GPR143: variants seen among roughly 807,000 people sequenced by gnomAD.
GPR143 encodes the protein G protein-coupled receptor 143.
A neutral mutation model predicts 27.6 loss-of-function variants in GPR143; 8 were observed. The observed-to-expected ratio is 0.29, with a 90% CI of 0.17 to 0.52. The LOEUF (loss-of-function observed/expected upper bound fraction) is 0.52, where lower values mean the gene tolerates loss of function less well. Ranked by LOEUF, GPR143 falls within the 20% of genes least tolerant of loss-of-function variation. The pLI is 0.96. For synonymous variants in GPR143, 156 were observed against 153.2 expected (o/e 1.02, Z -0.13); for missense variants, 303 against 343.1 (o/e 0.88, Z 0.92).
At chrX:9,763,880 C>A (rs1397056450) in intron 1 of GPR143, among the ~76,000 whole-genome samples, 1 of 112,567 alleles carries the variant, frequency 8.9e-6, no homozygotes, top group Non-Finnish European at 1.9e-5. Flanking sequence ...GTAAAGGCAG[C>A]CATGAATAAT....
chrX:9,778,288 C>G, intron 1 of GPR143, among the ~76,000 whole-genome samples: 1 of 111,659 alleles, frequency 9.0e-6, no homozygotes, highest in Non-Finnish European at 1.9e-5. Context: ...CGTGTCCTCT[C>G]CCTGAGAGAC....
intron 4 of GPR143, 58 bp downstream of exon 4, chrX:9,748,516 A>G (rs2083437994): frequency 1.3e-6 from 1 of 794,197 alleles, no homozygotes; most frequent in Non-Finnish European, 1.9e-6. Flanking sequence ...ATTCCCTGCA[A>G]GACAACACAT....
intron 1 of GPR143, among the ~76,000 whole-genome samples, chrX:9,761,960 G>T (rs1053878166): frequency 8.9e-6 from 1 of 112,141 alleles, no homozygotes; most frequent in Non-Finnish European, 1.9e-5. Flanking sequence ...GGTGGCACGC[G>T]CCTGTGGTCC....
intron 6 of GPR143, among the ~76,000 whole-genome samples, chrX:9,743,050 C>T (rs1174533630): frequency 9.1e-6 from 1 of 109,692 alleles, no homozygotes; most frequent in African/African-American, 3.3e-5. Context: ...GAGGTTGCAG[C>T]GAGCTGAGAT....
chrX:9,739,560 C>T lies in GPR143; in HGVS notation c.1045G>A (p.Glu349Lys), dbSNP rs138809166. Residue 349 changes from glutamate (E) to lysine (K), a missense_variant, in exon 8 of 9, where the codon GAA (glutamate) becomes AAA (lysine). By Grantham distance (56) the Glu-to-Lys change is moderately conservative (BLOSUM62 1). Transcript: ENST00000467482. ...GAHPSPLMPH[E>K]NPASGKVSQV... ...GACACCTTCCCGGAAGCAGGGTTTT[C>T]ATGGGGCATCAGTGGGGATGGGTGA... The T allele has an allele frequency of 3.8e-4, 457 of 1,209,474 alleles. No individual in the cohort carries two copies. The highest frequency in any genetic ancestry group is 5.6e-4 in the South Asian group (32 of 56,713).
chrX:9,771,368 T>C (rs1179438133), intron 1 of GPR143, among the ~76,000 whole-genome samples: 2 of 111,634 alleles, frequency 1.8e-5, no homozygotes. Flanking sequence ...GACCAAATTG[T>C]ACATTTTTTT....
intron 1 of GPR143, among the ~76,000 whole-genome samples, chrX:9,761,930 T>C (rs1283140428): frequency 1.8e-5 from 2 of 111,041 alleles, no homozygotes; most frequent in Non-Finnish European, 3.8e-5. Flanking sequence ...TCTACAAAAA[T>C]ACAATAATTA....
At chrX:9,755,906 A>G (rs2067298811) in intron 3 of GPR143, among the ~76,000 whole-genome samples, 1 of 112,028 alleles carries the variant, frequency 8.9e-6, no homozygotes, top group African/African-American at 3.2e-5. Flanking sequence ...GACCTTGACT[A>G]TCTTCCCTGG....
chrX:9,768,875 G>A (rs1290743356), upstream of GPR143, among the ~76,000 whole-genome samples: 1 of 110,492 alleles, frequency 9.1e-6, no homozygotes. Context: ...GATAGGTTTC[G>A]TCATGTTGGC....
At chrX:9,743,243 A>T (rs1252507855) in intron 6 of GPR143, among the ~76,000 whole-genome samples, 1 of 98,964 alleles carries the variant, frequency 1.0e-5, no homozygotes, top group Non-Finnish European at 2.0e-5. Context: ...AAAAAAAAAA[A>T]GCATACGCAA....
chrX:9,735,330 C>T (rs73484555), intron 8 of GPR143, among the ~76,000 whole-genome samples: 1,545 of 111,467 alleles, frequency 0.014, 27 homozygotes, highest in African/African-American at 0.048. Flanking sequence ...CTTCCCCCAA[C>T]GCCTCCATAC....
Position 9,743,558 on chromosome X carries a change from A to T in GPR143, c.767+7T>A. 1 of 1,026,483 alleles carries T rather than the reference A, an allele frequency of 9.7e-7. No individual in the cohort carries two copies. The highest frequency in any genetic ancestry group is 1.4e-6 in the Non-Finnish European group (1 of 726,462). The allele number at this position is 1,026,483 out of a possible 1,213,427, so 84.6% of individuals were successfully genotyped here. ...ATAAAAATACACATATATAGAAGAA[A>T]GGTTACCAAATAATTAAAACCAGCA... On this transcript the variant is annotated splice_region_variant and intron_variant, in intron 6 of 8. Transcript: ENST00000467482.
intron 1 of GPR143, among the ~76,000 whole-genome samples, chrX:9,772,022 A>T (rs1402875734): frequency 9.0e-6 from 1 of 110,972 alleles, no homozygotes; most frequent in African/African-American, 3.3e-5. Flanking sequence ...GAGCATTCTC[A>T]ACACAGTGGA....
intron 4 of GPR143, chrX:9,747,925 A>G (rs2083435778): frequency 8.8e-6 from 1 of 114,211 alleles, no homozygotes; most frequent in African/African-American, 3.2e-5. Context: ...TCACAGACAA[A>G]GACACTGTCC....
At chrX:9,740,554 TTC>T (rs1366839308) in intron 7 of GPR143, among the ~76,000 whole-genome samples, 4 of 112,377 alleles carry the variant, frequency 3.6e-5, no homozygotes, top group Non-Finnish European at 7.5e-5. Context: ...TGAATTTTTT[TTC>T]TGTTTCATTT....
Position 9,725,686 on chromosome X carries a change from TAAAGAA to T in GPR143, c.*54_*59del, listed in dbSNP as rs2083322210. ...TGTTGGGAAGGTGAGAACACAGTTC[TAAAGAA>T]CAAGAATTGTTGAGTCTGAGGAATA... On this transcript the variant is annotated 3_prime_UTR_variant, in exon 9 of 9. Coordinates refer to ENST00000467482, the MANE Select transcript of GPR143 (RefSeq NM_000273.3). 9.9e-6 allele frequency: 9 copies of T among 907,377 alleles called. No individual in the cohort carries two copies. The highest frequency in any genetic ancestry group is 1.3e-5 in the Non-Finnish European group (8 of 624,261). 74.8% of individuals were successfully genotyped at this position (907,377 alleles called of 1,213,427 possible).
intron 1 of GPR143, among the ~76,000 whole-genome samples, chrX:9,772,891 A>T (rs896088745): frequency 1.5e-4 from 17 of 109,784 alleles, no homozygotes; most frequent in Non-Finnish European, 3.0e-4. Flanking sequence ...ATTTTCATAT[A>T]GCTCAGAGTT....
chrX:9,727,770 CTG>C (rs2083334810), intron 8 of GPR143, among the ~76,000 whole-genome samples: 1 of 112,231 alleles, frequency 8.9e-6, no homozygotes, highest in African/African-American at 3.2e-5. Context: ...GGGCAAGTGA[CTG>C]CACTCCAAAA....
chrX:9,775,403 T>C (rs1416026272), intron 1 of GPR143, among the ~76,000 whole-genome samples: 1 of 111,411 alleles, frequency 9.0e-6, no homozygotes, highest in African/African-American at 3.3e-5. Context: ...GAGAGGTGGG[T>C]TGTGTACTGA....
Sources: gnomAD v4.1 joint callset for allele counts (sites outside exome capture counted in the v4.1 genomes callset) on GRCh38, gnomAD v4.1.1 for gene constraint, MANE v1.5 for transcripts, NCBI Gene and HGNC (gene_info 2026-07-23, HGNC 2026-07-21) for gene names.